MTA3: variants seen among roughly 807,000 people sequenced by gnomAD.
MTA3 encodes the protein metastasis associated 1 family member 3.
In MTA3, 34 loss-of-function variants were observed where a neutral mutation model predicts 83.5. That is an observed-to-expected ratio of 0.41 (90% CI 0.31 to 0.54). MTA3 has a LOEUF of 0.54. Ranked by LOEUF, MTA3 falls within the 20% of genes least tolerant of loss-of-function variation. MTA3 has a pLI of 0.33. For synonymous variants in MTA3, 303 were observed against 252.7 expected, an observed-to-expected ratio of 1.20 and a Z score of -1.89; for missense variants, 761 against 726.4, an observed-to-expected ratio of 1.05 and a Z score of -0.55.
chr2:42,634,538 C>G (rs1488319112), intron 4 of MTA3, among the ~76,000 whole-genome samples: 1 of 152,114 alleles, frequency 6.6e-6, no homozygotes, highest in Non-Finnish European at 1.5e-5. Flanking sequence ...AAACTGCCCC[C>G]GTGATCCAAT....
intron 2 of MTA3, among the ~76,000 whole-genome samples, chr2:42,578,686 G>A (rs1035905399): frequency 6.6e-6 from 1 of 152,168 alleles, no homozygotes; most frequent in African/African-American, 2.4e-5. Flanking sequence ...GGGTTTGGAC[G>A]AGGTGTGTTT....
At chr2:42,547,759 T>G (rs1018393827) in intron 2 of MTA3, among the ~76,000 whole-genome samples, 12 of 152,240 alleles carry the variant, frequency 7.9e-5, no homozygotes, top group African/African-American at 2.9e-4. Flanking sequence ...AGGTTGCAGT[T>G]CGTCCACGAG....
chr2:42,702,555 A>G (rs1665677630), intron 11 of MTA3: 2 of 152,216 alleles, frequency 1.3e-5, no homozygotes, highest in African/African-American at 2.4e-5. Context: ...GCATCAGTAG[A>G]TATGGGAAGA....
chr2:42,537,808 A>T (rs76318491), intron 2 of MTA3, among the ~76,000 whole-genome samples: 3,278 of 152,212 alleles, frequency 0.022, 98 homozygotes, highest in African/African-American at 0.075. Context: ...AAATTCCTGG[A>T]TGTGGTCATT....
intron 4 of MTA3, among the ~76,000 whole-genome samples, chr2:42,611,311 T>G (rs1161643238): frequency 1.3e-5 from 1 of 79,600 alleles, no homozygotes; most frequent in Non-Finnish European, 2.5e-5. Context: ...AAAGCTCTGG[T>G]ACTTAACACA....
At chr2:42,576,311 G>A (rs939799696) in intron 2 of MTA3, among the ~76,000 whole-genome samples, 2 of 152,184 alleles carry the variant, frequency 1.3e-5, no homozygotes, top group Non-Finnish European at 2.9e-5. Context: ...AGGTAGGGTG[G>A]AACAGGACAT....
At chr2:42,686,529 AAAAAGAAAG>A (rs1692382236) in intron 9 of MTA3, among the ~76,000 whole-genome samples, 1 of 152,056 alleles carries the variant, frequency 6.6e-6, no homozygotes, top group Non-Finnish European at 1.5e-5. Context: ...CTTAAAAAAA[AAAAAGAAAG>A]AACAGTCTGG....
intron 12 of MTA3, among the ~76,000 whole-genome samples, chr2:42,706,214 A>C (rs182015263): frequency 3.0e-4 from 45 of 152,312 alleles, no homozygotes; most frequent in Non-Finnish European, 1.5e-5. Flanking sequence ...AGCATGGCAC[A>C]TGTATACATA....
At chr2:42,741,014 T>C (rs1377502516) in intron 16 of MTA3, among the ~76,000 whole-genome samples, 1 of 152,274 alleles carries the variant, frequency 6.6e-6, no homozygotes, top group Non-Finnish European at 1.5e-5. Context: ...TGAAAATCTG[T>C]TGTTTAGCGT....
chr2:42,656,174 A>C (rs1378990396), intron 6 of MTA3, 26 bp from the exon 7 acceptor site: 3 of 1,539,974 alleles, frequency 1.9e-6, no homozygotes, highest in Non-Finnish European at 2.7e-6. Context: ...CAGTAACAAG[A>C]CTCCATTTTA....
chr2:42,633,915 C>A (rs1573399648), intron 4 of MTA3, among the ~76,000 whole-genome samples: 1 of 151,946 alleles, frequency 6.6e-6, no homozygotes, highest in Non-Finnish European at 1.5e-5. Flanking sequence ...TATTCTTTCA[C>A]TTAATATATG....
intron 16 of MTA3, among the ~76,000 whole-genome samples, chr2:42,748,353 T>C (rs995938005): frequency 6.6e-6 from 1 of 152,148 alleles, no homozygotes; most frequent in African/African-American, 2.4e-5. Context: ...CGTGAGCCAC[T>C]GTGCCCGGCC....
At chr2:42,614,573 C>T (rs1684623959) in intron 4 of MTA3, among the ~76,000 whole-genome samples, 1 of 152,114 alleles carries the variant, frequency 6.6e-6, no homozygotes, top group Non-Finnish European at 1.5e-5. Context: ...TCTAAACCTA[C>T]CCTTCCATTA....
intron 7 of MTA3, among the ~76,000 whole-genome samples, chr2:42,657,212 T>C (rs1316351134): frequency 6.6e-6 from 1 of 152,222 alleles, no homozygotes; most frequent in Admixed American, 6.5e-5. Flanking sequence ...TGTTATTGTC[T>C]GATTTTGTGT....
At chr2:42,686,011 G>A (rs1404054761) in intron 9 of MTA3, among the ~76,000 whole-genome samples, 1 of 152,186 alleles carries the variant, frequency 6.6e-6, no homozygotes, top group African/African-American at 2.4e-5. Context: ...CTGTCAGGTA[G>A]TGTATGCAAC....
chr2:42,725,419 AG>A, intron 16 of MTA3, among the ~76,000 whole-genome samples: 1 of 152,388 alleles, frequency 6.6e-6, no homozygotes, highest in South Asian at 2.1e-4. Context: ...GCACTGTATT[AG>A]GTTCTATCAG....
chr2:42,570,544 T>A, intron 2 of MTA3, 40 bp downstream of exon 2: 1 of 1,216,450 alleles, frequency 8.2e-7, no homozygotes, highest in Non-Finnish European at 1.1e-6. Context: ...TTAAAAATAT[T>A]TATTTTCCCT....
At chr2:42,689,981 T>C (rs1474620642) in intron 9 of MTA3, among the ~76,000 whole-genome samples, 1 of 151,994 alleles carries the variant, frequency 6.6e-6, no homozygotes, top group Non-Finnish European at 1.5e-5. Context: ...TATCTTCTTA[T>C]TGATTGAAGC....
intron 11 of MTA3, among the ~76,000 whole-genome samples, chr2:42,700,288 C>G (rs904664531): frequency 2.0e-5 from 3 of 152,124 alleles, no homozygotes; most frequent in Non-Finnish European, 4.4e-5. Flanking sequence ...TATAATGTGT[C>G]TTTTAAAACA....
Sources: gnomAD v4.1 joint callset for allele counts (sites outside exome capture counted in the v4.1 genomes callset) on GRCh38, gnomAD v4.1.1 for gene constraint, MANE v1.5 for transcripts, NCBI Gene and HGNC (gene_info 2026-07-23, HGNC 2026-07-21) for gene names.